Variants in KCNN2 observed in about 807,000 individuals in gnomAD.
The protein encoded by KCNN2 is small conductance calcium-activated potassium channel protein 2.
Under a neutral mutation model 55.5 loss-of-function variants are expected in KCNN2, and 24 were observed. That is an observed-to-expected ratio of 0.43 (90% CI 0.31 to 0.61). The LOEUF is 0.61. KCNN2 is among the 20% of genes least tolerant of loss of function. The pLI, the probability that KCNN2 is intolerant of heterozygous loss-of-function variation, is 0.08. For synonymous variants in KCNN2, 431 were observed against 336.1 expected, an observed-to-expected ratio of 1.28 and a Z score of -3.09; for missense variants, 754 against 853.6, an observed-to-expected ratio of 0.88 and a Z score of 1.45.
At chr5:114,158,370 T>C (rs1257043879) in intron 1 of KCNN2, among the ~76,000 whole-genome samples, 1 of 152,190 alleles carries the variant, frequency 6.6e-6, no homozygotes. Context: ...ATATCTCTGT[T>C]TTGGTACCAG....
At chr5:114,101,607 C>G (rs1315064462) in intron 1 of KCNN2, among the ~76,000 whole-genome samples, 2 of 151,632 alleles carry the variant, frequency 1.3e-5, no homozygotes, top group Non-Finnish European at 2.9e-5. Context: ...CTAACAGGTC[C>G]CAATGTGTGA....
At chr5:114,420,820 T>G (rs984842356) in intron 3 of KCNN2, among the ~76,000 whole-genome samples, 1 of 152,244 alleles carries the variant, frequency 6.6e-6, no homozygotes, top group Non-Finnish European at 1.5e-5. Context: ...CACTTCTTCA[T>G]GCTATTTGAT....
At chr5:114,275,075 C>T (rs530217171) in intron 2 of KCNN2, among the ~76,000 whole-genome samples, 5 of 152,068 alleles carry the variant, frequency 3.3e-5, no homozygotes, top group Non-Finnish European at 7.4e-5. Context: ...GGCCTTATCT[C>T]CATCTATTGA....
chr5:114,282,478 A>G (rs989413639), intron 2 of KCNN2, among the ~76,000 whole-genome samples: 18 of 152,122 alleles, frequency 1.2e-4, no homozygotes, highest in Non-Finnish European at 2.5e-4. Context: ...TAAATTAGTA[A>G]TACAATCATA....
chr5:114,228,299 A>G (rs1357797417), intron 2 of KCNN2, among the ~76,000 whole-genome samples: 5 of 152,128 alleles, frequency 3.3e-5, no homozygotes, highest in Admixed American at 3.3e-4. Context: ...TGTTACATGA[A>G]GTAAACAATA....
chr5:114,087,107 T>A (rs1751032740), intron 1 of KCNN2, among the ~76,000 whole-genome samples: 1 of 152,044 alleles, frequency 6.6e-6, no homozygotes, highest in South Asian at 2.1e-4. Context: ...CCTTTGCCCA[T>A]TTTTAAATGG....
At chr5:114,451,440 C>G (rs879787826) in intron 3 of KCNN2, among the ~76,000 whole-genome samples, 2 of 151,916 alleles carry the variant, frequency 1.3e-5, no homozygotes, top group Non-Finnish European at 2.9e-5. Flanking sequence ...CAAACATACG[C>G]ACACACACAC....
intron 1 of KCNN2, among the ~76,000 whole-genome samples, chr5:114,140,232 G>T (rs2112503597): frequency 6.6e-6 from 1 of 152,282 alleles, no homozygotes; most frequent in South Asian, 2.1e-4. Context: ...AAGAGATCTT[G>T]ATATTAATAT....
At chr5:114,270,765 C>A (rs770056942) in intron 2 of KCNN2, among the ~76,000 whole-genome samples, 11 of 152,146 alleles carry the variant, frequency 7.2e-5, no homozygotes, top group Non-Finnish European at 1.3e-4. Flanking sequence ...GGTTCTTGGT[C>A]TTGCTGACTT....
chr5:114,359,423 C>A (rs541839930), upstream of KCNN2, among the ~76,000 whole-genome samples: 1 of 152,304 alleles, frequency 6.6e-6, no homozygotes, highest in Non-Finnish European at 1.5e-5. Flanking sequence ...TGCAACTAAT[C>A]CCATATTACA....
At chr5:114,268,931 C>G (rs1322198689) in intron 2 of KCNN2, among the ~76,000 whole-genome samples, 2 of 151,782 alleles carry the variant, frequency 1.3e-5, no homozygotes, top group East Asian at 3.9e-4. Flanking sequence ...TCCCAGCCAT[C>G]TGTCTCGGGG....
intron 5 of KCNN2, among the ~76,000 whole-genome samples, chr5:114,474,895 A>C (rs2150125996): frequency 6.6e-6 from 1 of 152,218 alleles, no homozygotes; most frequent in Admixed American, 6.5e-5. Flanking sequence ...CTTAACAGAA[A>C]AAAAAAAAGT....
chr5:114,440,316 A>G (rs75332001), intron 3 of KCNN2, among the ~76,000 whole-genome samples: 4,216 of 152,304 alleles, frequency 0.028, 73 homozygotes, highest in Non-Finnish European at 0.038. Context: ...CTAGACTTCT[A>G]TGCCTTCCTA....
intron 1 of KCNN2, among the ~76,000 whole-genome samples, chr5:114,099,434 A>C (rs1751330905): frequency 6.6e-6 from 1 of 152,140 alleles, no homozygotes; most frequent in African/African-American, 2.4e-5. Flanking sequence ...TAGCAACTAC[A>C]TTGAGGAAAA....
chr5:114,202,788 G>A (rs1215180043), intron 1 of KCNN2, among the ~76,000 whole-genome samples: 5 of 151,778 alleles, frequency 3.3e-5, no homozygotes, highest in South Asian at 4.2e-4. Context: ...GGGTTTCACC[G>A]TGTTAGCCAG....
intron 2 of KCNN2, among the ~76,000 whole-genome samples, chr5:114,345,586 C>A (rs1246191077): frequency 2.6e-5 from 4 of 151,998 alleles, no homozygotes; most frequent in African/African-American, 9.7e-5. Context: ...AGTTGGGGGG[C>A]AGAAAGAACC....
intron 5 of KCNN2, among the ~76,000 whole-genome samples, chr5:114,473,726 A>G (rs961317817): frequency 1.3e-5 from 2 of 152,156 alleles, no homozygotes; most frequent in African/African-American, 4.8e-5. Flanking sequence ...AGTAATCACA[A>G]TGTTTAAGAG....
At chr5:114,463,009 G>A (rs1761278892) in intron 3 of KCNN2, 40 bp from the exon 4 acceptor site, 1 of 1,590,344 alleles carries the variant, frequency 6.3e-7, no homozygotes, top group Non-Finnish European at 8.6e-7. Flanking sequence ...TCATATTGGA[G>A]ATTAATTATA....
intron 1 of KCNN2, among the ~76,000 whole-genome samples, chr5:114,122,340 A>G (rs1751844207): frequency 6.6e-6 from 1 of 152,196 alleles, no homozygotes; most frequent in Admixed American, 6.5e-5. Context: ...AAGAATGTGA[A>G]TTGATGATTC....
Sources: allele counts gnomAD v4.1 joint callset (sites outside exome capture counted in the v4.1 genomes callset), GRCh38; gene constraint gnomAD v4.1.1; transcripts MANE v1.5; gene names NCBI Gene and HGNC (gene_info 2026-07-23, HGNC 2026-07-21).